SKAP1: variants seen among roughly 807,000 people sequenced by gnomAD.
The protein encoded by SKAP1 is src kinase associated phosphoprotein 1.
Under a neutral mutation model 58.5 loss-of-function variants are expected in SKAP1, and 44 were observed. The observed-to-expected ratio is 0.75, with a 90% confidence interval of 0.59 to 0.97. The LOEUF is 0.97. Among genes scored for constraint, SKAP1 ranks in the 50% least tolerant of loss-of-function variants. SKAP1 has a pLI of 0.00. For synonymous variants in SKAP1, 127 were observed against 149.7 expected (o/e 0.85, Z 1.11); for missense variants, 390 against 435.2 (o/e 0.90, Z 0.92).
chr17:48,299,477 T>C (rs2066029888), intron 4 of SKAP1, among the ~76,000 whole-genome samples: 1 of 152,206 alleles, frequency 6.6e-6, no homozygotes, highest in African/African-American at 2.4e-5. Context: ...AGGCTGTCAC[T>C]CTGTGGCACA....
intron 3 of SKAP1, among the ~76,000 whole-genome samples, chr17:48,356,761 A>G (rs1482750620): frequency 6.6e-6 from 1 of 152,218 alleles, no homozygotes; most frequent in African/African-American, 2.4e-5. Context: ...TGAAAATTCA[A>G]ATAGTACCAA....
At chr17:48,253,487 C>T (rs1017323437) in intron 4 of SKAP1, among the ~76,000 whole-genome samples, 1 of 152,174 alleles carries the variant, frequency 6.6e-6, no homozygotes, top group Non-Finnish European at 1.5e-5. Context: ...CTTCATTTCT[C>T]TCTAAAATTA....
At chr17:48,348,003 A>G (rs1382786034) in intron 3 of SKAP1, among the ~76,000 whole-genome samples, 1 of 152,168 alleles carries the variant, frequency 6.6e-6, no homozygotes, top group East Asian at 1.9e-4. Flanking sequence ...CTGGACTTAA[A>G]GTTCTCTGCT....
At chr17:48,291,442 A>C (rs1314448833) in intron 4 of SKAP1, among the ~76,000 whole-genome samples, 2 of 152,184 alleles carry the variant, frequency 1.3e-5, no homozygotes, top group East Asian at 3.8e-4. Context: ...CTATATTCTT[A>C]GGTTCCTATT....
chr17:48,180,303 A>C (rs1398975156), intron 8 of SKAP1, 55 bp from the exon 9 acceptor site: 4 of 1,350,242 alleles, frequency 3.0e-6, no homozygotes, highest in African/African-American at 1.5e-5. Context: ...AAAATAAGAC[A>C]GGAAAGGAAA....
intron 2 of SKAP1, among the ~76,000 whole-genome samples, chr17:48,383,898 T>TG (rs1466348941): frequency 6.6e-6 from 1 of 151,032 alleles, no homozygotes; most frequent in African/African-American, 2.4e-5. Flanking sequence ...TTTTTTGTAT[T>TG]TTTTTTTAGC....
chr17:48,170,550 C>G lies in SKAP1; in HGVS notation c.877+59G>C. 4 of 1,422,004 alleles carry G rather than the reference C, an allele frequency of 2.8e-6. No individual in the cohort carries two copies. In the South Asian group the frequency reaches 4.6e-5, roughly 16 times the overall value. 88.1% of individuals were successfully genotyped at this position (1,422,004 alleles called of 1,614,324 possible). A position where few individuals can be genotyped will look rare whatever the true frequency, so the allele number is the denominator to read the frequency against. On this transcript the variant is annotated intron_variant, in intron 10 of 12. Coordinates refer to ENST00000336915, the MANE Select transcript of SKAP1 (RefSeq NM_003726.4). ...TTGTAGTCTCAGAGAAAGGTGCTTT[C>G]TCTAATCAGAAGCCCATAATGTCCT...
At chr17:48,241,417 A>C (rs994446147) in intron 4 of SKAP1, among the ~76,000 whole-genome samples, 9 of 152,206 alleles carry the variant, frequency 5.9e-5, no homozygotes, top group African/African-American at 2.2e-4. Flanking sequence ...TATGAAAATT[A>C]GATCTTTTAC....
intron 4 of SKAP1, among the ~76,000 whole-genome samples, chr17:48,257,582 T>C (rs1031086014): frequency 2.0e-5 from 3 of 151,720 alleles, no homozygotes; most frequent in Non-Finnish European, 2.9e-5. Flanking sequence ...AGAAGGAAGA[T>C]GGTTAGCAGC....
chr17:48,353,552 T>C (rs75994865), intron 3 of SKAP1, among the ~76,000 whole-genome samples: 26,234 of 152,034 alleles, frequency 0.17, 2,317 homozygotes, highest in Non-Finnish European at 0.19. Context: ...CTTAAGAAAC[T>C]TCTTGAGAGA....
intron 4 of SKAP1, among the ~76,000 whole-genome samples, chr17:48,290,346 A>G (rs950068427): frequency 9.2e-5 from 14 of 152,236 alleles, no homozygotes; most frequent in Non-Finnish European, 1.9e-4. Flanking sequence ...ATTTAATTCA[A>G]GCCAATAATC....
intron 4 of SKAP1, among the ~76,000 whole-genome samples, chr17:48,265,960 T>C (rs1372941614): frequency 6.6e-6 from 1 of 152,232 alleles, no homozygotes; most frequent in East Asian, 1.9e-4. Flanking sequence ...TTTCTCTTTA[T>C]GAAAAATGAC....
At chr17:48,429,914 A>G (rs1413775191) in intron 1 of SKAP1, among the ~76,000 whole-genome samples, 161 bp downstream of exon 1, 2 of 152,062 alleles carry the variant, frequency 1.3e-5, no homozygotes, top group African/African-American at 4.8e-5. Context: ...CTGAGGTGAG[A>G]GGATGGAAAG....
intron 4 of SKAP1, among the ~76,000 whole-genome samples, chr17:48,202,701 A>G (rs552163485): frequency 1.3e-5 from 2 of 152,226 alleles, no homozygotes; most frequent in Non-Finnish European, 2.9e-5. Context: ...CAAGTCTGTA[A>G]TTGCAAAATA....
chr17:48,143,655 C>T (rs139403523), intron 11 of SKAP1, among the ~76,000 whole-genome samples: 2 of 152,232 alleles, frequency 1.3e-5, no homozygotes, highest in African/African-American at 4.8e-5. Flanking sequence ...CATTGTAACT[C>T]GTAAAAACTA....
At chr17:48,208,666 A>G (rs2143659332) in intron 4 of SKAP1, among the ~76,000 whole-genome samples, 1 of 152,338 alleles carries the variant, frequency 6.6e-6, no homozygotes, top group Non-Finnish European at 1.5e-5. Flanking sequence ...TATTTCATTT[A>G]TCTCTTTGAC....
At chr17:48,315,919 TATTCCAAA>T (rs2066280330) in intron 4 of SKAP1, among the ~76,000 whole-genome samples, 4 of 152,306 alleles carry the variant, frequency 2.6e-5, no homozygotes, top group Admixed American at 2.6e-4. Flanking sequence ...TATATGGAAA[TATTCCAAA>T]ATCTGAAATC....
At chr17:48,193,672 G>C in intron 4 of SKAP1, 1 of 984,310 alleles carries the variant, frequency 1.0e-6, no homozygotes, top group Non-Finnish European at 1.2e-6. Flanking sequence ...CAGTGTCAGC[G>C]CAGGGTCCTA....
rs571194494 is a variant in SKAP1, at chr17:48,140,459, C to T, written c.979-3122G>A. On this transcript the variant is annotated intron_variant, in intron 11 of 12. Coordinates refer to ENST00000336915, the MANE Select transcript of SKAP1 (RefSeq NM_003726.4). The stretch of plus-strand genomic sequence containing the variant: ...CCTGGCCTTCTCTTCTGTCTTGATG[C>T]GCTTTACTAGAGCAATCCCATATAT... 7.2e-5 allele frequency among the ~76,000 whole-genome samples: 11 copies of T among 152,242 alleles called. No individual in the cohort carries two copies. The South Asian group carries it at 2.3e-3, about 32-fold the overall frequency.
Sources: gnomAD v4.1 joint callset for allele counts (sites outside exome capture counted in the v4.1 genomes callset) on GRCh38, gnomAD v4.1.1 for gene constraint, MANE v1.5 for transcripts, NCBI Gene and HGNC (gene_info 2026-07-23, HGNC 2026-07-21) for gene names.